LARGE1: variants seen among roughly 807,000 people sequenced by gnomAD.
LARGE1 encodes the protein xylosyl- and glucuronyltransferase LARGE1.
In LARGE1, 43 loss-of-function variants were observed where a neutral mutation model predicts 87.6. The ratio of observed to expected loss-of-function variants is 0.49; its 90% confidence interval spans 0.38 to 0.63. LARGE1 has a LOEUF of 0.63. LARGE1 is among the 30% of genes least tolerant of loss of function. The pLI, the probability that LARGE1 is intolerant of heterozygous loss-of-function variation, is 0.00. For missense variants in LARGE1, 802 were observed against 1,000.2 expected, an observed-to-expected ratio of 0.80 and a Z score of 2.67; for synonymous variants, 434 against 394.6, an observed-to-expected ratio of 1.10 and a Z score of -1.18.
intron 7 of LARGE1, among the ~76,000 whole-genome samples, chr22:33,429,414 C>T (rs943885371): frequency 9.2e-5 from 14 of 152,160 alleles, no homozygotes; most frequent in Non-Finnish European, 1.9e-4. Flanking sequence ...ACTGCTTTGA[C>T]AAATCAAGCG....
At chr22:33,612,525 T>A (rs1400343589) in intron 4 of LARGE1, among the ~76,000 whole-genome samples, 2 of 152,170 alleles carry the variant, frequency 1.3e-5, no homozygotes, top group Admixed American at 1.3e-4. Context: ...ATCCCCTCTA[T>A]ATACCAAGGG....
intron 12 of LARGE1, among the ~76,000 whole-genome samples, chr22:33,291,858 C>T (rs1412380776): frequency 4.0e-5 from 6 of 151,826 alleles, no homozygotes; most frequent in East Asian, 3.9e-4. Flanking sequence ...TTTGGGAGGC[C>T]GAGGTTGGGG....
chr22:33,450,883 C>T (rs966326512), intron 6 of LARGE1, among the ~76,000 whole-genome samples: 15 of 152,252 alleles, frequency 9.9e-5, no homozygotes, highest in African/African-American at 2.4e-4. Context: ...GGTGTCTGGA[C>T]GGATCCTGGC....
chr22:33,097,054 G>A, the LARGE1 span, among the ~76,000 whole-genome samples: 3 of 152,334 alleles, frequency 2.0e-5, no homozygotes, highest in South Asian at 4.1e-4. Context: ...AGGAAAGAGG[G>A]AGTGAGTGTT....
At chr22:33,391,839 G>C (rs554776632) in intron 7 of LARGE1, among the ~76,000 whole-genome samples, 83 of 143,068 alleles carry the variant, frequency 5.8e-4, no homozygotes, top group African/African-American at 1.9e-3. Flanking sequence ...GCGTGATCTC[G>C]GCTCACTGCA....
chr22:33,078,419 T>C, the LARGE1 span, among the ~76,000 whole-genome samples: 1 of 152,222 alleles, frequency 6.6e-6, no homozygotes, highest in East Asian at 1.9e-4. Context: ...GGTTAAGTTC[T>C]TTGCTACATT....
chr22:33,404,687 C>T (rs917489993), intron 7 of LARGE1, among the ~76,000 whole-genome samples: 2 of 152,154 alleles, frequency 1.3e-5, no homozygotes, highest in Admixed American at 1.3e-4. Flanking sequence ...TCGTGTCAAT[C>T]GTTTAAACAG....
chr22:33,310,477 G>T (rs1465355526), intron 11 of LARGE1, among the ~76,000 whole-genome samples: 1 of 152,054 alleles, frequency 6.6e-6, no homozygotes, highest in Admixed American at 6.6e-5. Context: ...AGGAGAAGCA[G>T]AACTCCTGGC....
chr22:33,234,793 G>C (rs941749124), intron 11 of LARGE1, among the ~76,000 whole-genome samples: 36 of 152,026 alleles, frequency 2.4e-4, no homozygotes, highest in African/African-American at 8.5e-4. Flanking sequence ...TGCCTGCCTT[G>C]GCCTCCCAAA....
intron 9 of LARGE1, among the ~76,000 whole-genome samples, chr22:33,343,471 A>G (rs747918673): frequency 2.0e-5 from 3 of 152,134 alleles, no homozygotes; most frequent in Non-Finnish European, 4.4e-5. Flanking sequence ...ATATGATATT[A>G]AATACATAAT....
chr22:33,421,207 AT>A (rs2066680996), intron 7 of LARGE1, among the ~76,000 whole-genome samples: 1 of 136,970 alleles, frequency 7.3e-6, no homozygotes, highest in Non-Finnish European at 1.6e-5. Flanking sequence ...AAAAAATAAA[AT>A]AAAATCAATC....
At chr22:33,725,139 G>C (rs1219155117) in intron 2 of LARGE1, 2 of 153,644 alleles carry the variant, frequency 1.3e-5, no homozygotes, top group Non-Finnish European at 2.9e-5. Context: ...GGCCGCGGGA[G>C]GCAGAGCCAG....
intron 2 of LARGE1, among the ~76,000 whole-genome samples, chr22:33,694,719 G>A (rs538985595): frequency 2.6e-5 from 4 of 152,234 alleles, no homozygotes; most frequent in South Asian, 4.2e-4. Context: ...GGAGAGACAG[G>A]AGGGGGAAGG....
chr22:33,881,821 T>C, intron 1 of LARGE1, among the ~76,000 whole-genome samples: 1 of 152,218 alleles, frequency 6.6e-6, no homozygotes, highest in East Asian at 1.9e-4. Flanking sequence ...GTGATCATCT[T>C]CATGAGCCTG....
chr22:33,392,509 A>C (rs1384849444), intron 7 of LARGE1, among the ~76,000 whole-genome samples: 1 of 152,122 alleles, frequency 6.6e-6, no homozygotes, highest in Admixed American at 6.5e-5. Flanking sequence ...AAATACAAAA[A>C]TTAGCCAGAT....
At chr22:33,577,177 C>CA (rs1007148956) in intron 5 of LARGE1, among the ~76,000 whole-genome samples, 69 of 148,592 alleles carry the variant, frequency 4.6e-4, no homozygotes, top group African/African-American at 9.9e-4. Context: ...TTGTGGGGAT[C>CA]AAAAAAAAAT....
intron 7 of LARGE1, among the ~76,000 whole-genome samples, chr22:33,400,989 T>C (rs1045654607): frequency 1.3e-5 from 2 of 152,126 alleles, no homozygotes; most frequent in African/African-American, 4.8e-5. Flanking sequence ...TCACCTGGCA[T>C]CCCCTGGTGG....
intron 6 of LARGE1, among the ~76,000 whole-genome samples, chr22:33,521,418 C>T (rs1262512504): frequency 5.3e-5 from 8 of 152,236 alleles, no homozygotes; most frequent in Non-Finnish European, 8.8e-5. Context: ...CCTCTCTCCA[C>T]ATGGGCTCTC....
At chr22:33,473,962 T>C (rs2148134710) in intron 6 of LARGE1, among the ~76,000 whole-genome samples, 1 of 152,304 alleles carries the variant, frequency 6.6e-6, no homozygotes, top group African/African-American at 2.4e-5. Context: ...TTTCATATTC[T>C]TATATTTTCT....
Sources: gnomAD v4.1 joint callset for allele counts (sites outside exome capture counted in the v4.1 genomes callset) on GRCh38, gnomAD v4.1.1 for gene constraint, MANE v1.5 for transcripts, NCBI Gene and HGNC (gene_info 2026-07-23, HGNC 2026-07-21) for gene names.